Variants in PPP4R2 observed in about 807,000 individuals in gnomAD.
PPP4R2 encodes protein phosphatase 4 regulatory subunit 2.
A neutral mutation model predicts 47.2 loss-of-function variants in PPP4R2; 13 were observed. That is an observed-to-expected ratio of 0.28 (90% CI 0.18 to 0.44). The LOEUF (loss-of-function observed/expected upper bound fraction) is 0.44. Ranked by LOEUF, PPP4R2 falls within the 20% of genes least tolerant of loss-of-function variation. The probability of loss-of-function intolerance (pLI) is 1.00; values close to 1 mark genes in which losing one functional copy is unlikely to be tolerated. For synonymous variants in PPP4R2, 151 were observed against 163.3 expected (o/e 0.92, Z 0.57); for missense variants, 421 against 491.2 (o/e 0.86, Z 1.35).
intron 2 of PPP4R2, among the ~76,000 whole-genome samples, chr3:73,009,030 AGTG>A (rs1701670675): frequency 6.6e-6 from 1 of 152,120 alleles, no homozygotes; most frequent in Non-Finnish European, 1.5e-5. Context: ...ACAGGCAGAT[AGTG>A]AGTGTCCTGT....
In PPP4R2 at chr3:73,064,909, T is replaced by C. The variant is rs113160746; in HGVS notation, c.696T>C (p.His232=). The part of the protein sequence containing the change: ...VSSVSPLKNK[H]PDEDAVEAEG... ...CAGTGAGCCCTTTGAAAAATAAACA[T>C]CCAGATGAAGATGCTGTGGAAGCTG... The change falls in exon 8 of 9, where the codon CAT becomes CAC. Residue 232 remains histidine, a synonymous_variant. Coordinates refer to ENST00000356692, the MANE Select transcript of PPP4R2 (RefSeq NM_174907.4). The C allele has an allele frequency of 1.0e-4, 161 of 1,613,544 alleles. No homozygotes were observed. The African/African-American group carries it at 1.8e-3, about 18-fold the overall frequency.
intron 3 of PPP4R2, among the ~76,000 whole-genome samples, chr3:73,051,561 T>C (rs1184556345): frequency 1.3e-5 from 2 of 152,208 alleles, no homozygotes; most frequent in African/African-American, 4.8e-5. Context: ...CTTCCTAGTA[T>C]TTTGCCGTAA....
intron 5 of PPP4R2, chr3:73,061,398 T>G (rs1342443331): frequency 6.1e-6 from 1 of 162,884 alleles, no homozygotes; most frequent in Non-Finnish European, 1.3e-5. Flanking sequence ...ATGTTTGGAA[T>G]AACTACTTGA....
intron 2 of PPP4R2, among the ~76,000 whole-genome samples, chr3:73,027,419 C>A (rs1702088382): frequency 6.6e-6 from 1 of 152,182 alleles, no homozygotes; most frequent in South Asian, 2.1e-4. Flanking sequence ...AGCCCCGCTC[C>A]CAGCTATTCC....
chr3:73,059,922 G>A (rs983643084), intron 4 of PPP4R2, among the ~76,000 whole-genome samples: 1 of 142,202 alleles, frequency 7.0e-6, no homozygotes, highest in African/African-American at 2.7e-5. Context: ...GCAACAAAGT[G>A]AGACTCTGTC....
At chr3:73,014,461 T>A (rs1701783883) in intron 2 of PPP4R2, among the ~76,000 whole-genome samples, 1 of 152,050 alleles carries the variant, frequency 6.6e-6, no homozygotes, top group South Asian at 2.1e-4. Flanking sequence ...AATTTATTAA[T>A]TTTTTTGTAG....
At chr3:73,063,636 AT>A (rs1553652083) in intron 5 of PPP4R2, 36 bp from the exon 6 acceptor site, 1 of 1,305,302 alleles carries the variant, frequency 7.7e-7, no homozygotes, top group African/African-American at 1.5e-5. Flanking sequence ...CTAAAAAAAA[AT>A]TAAGTCATCC....
intron 2 of PPP4R2, among the ~76,000 whole-genome samples, chr3:73,034,963 A>G (rs1019338514): frequency 1.3e-5 from 2 of 152,204 alleles, no homozygotes; most frequent in African/African-American, 4.8e-5. Context: ...ATCAAGCTAA[A>G]AAGCTTCCGC....
At chr3:73,016,435 A>G (rs916207555) in intron 2 of PPP4R2, among the ~76,000 whole-genome samples, 5 of 152,306 alleles carry the variant, frequency 3.3e-5, no homozygotes, top group South Asian at 4.1e-4. Context: ...CTCCCCAGCA[A>G]TGAAGAATTG....
Position 73,066,872 on chromosome 3 carries a change from G to A in PPP4R2, c.*1150G>A, listed in dbSNP as rs1703006848. On this transcript the variant is annotated 3_prime_UTR_variant, in exon 9 of 9. Transcript: ENST00000356692. ...TAAATATTTTTGAACATGCTTCTTC[G>A]ACAGCCAGTGTTATATTTTTCAGAT... The A allele has an allele frequency of 6.6e-6, 1 of 151,882 alleles. No homozygotes were observed. The allele number at this position is 151,882 out of a possible 1,614,324, so 9.4% of individuals were successfully genotyped here.
At chr3:73,015,157 C>T (rs960231908) in intron 2 of PPP4R2, among the ~76,000 whole-genome samples, 1 of 152,220 alleles carries the variant, frequency 6.6e-6, no homozygotes, top group Non-Finnish European at 1.5e-5. Context: ...AATGAAAACA[C>T]TACCCACAAG....
rs551023213 is a variant in PPP4R2, at chr3:72,998,205, A to G, written c.116+47A>G. ...GTCGTTATAGACCAGTGCATTATTA[A>G]GAATTGCTCAGGAAAGGGAAAAAAG... On this transcript the variant is annotated intron_variant, in intron 2 of 8. Transcript: ENST00000356692. The G allele has an allele frequency of 6.4e-5, 77 of 1,207,752 alleles. No individual in the cohort carries two copies. In the South Asian group the frequency reaches 1.1e-3, roughly 17 times the overall value. The allele number at this position is 1,207,752 out of a possible 1,614,324, so 74.8% of individuals were successfully genotyped here.
intron 2 of PPP4R2, among the ~76,000 whole-genome samples, chr3:73,011,560 A>G (rs1189975029): frequency 2.0e-5 from 3 of 152,116 alleles, no homozygotes; most frequent in African/African-American, 4.8e-5. Flanking sequence ...AGATTTTTCA[A>G]GTGGCTTACC....
chr3:73,003,623 G>C (rs1022317355), intron 2 of PPP4R2, among the ~76,000 whole-genome samples: 3 of 152,104 alleles, frequency 2.0e-5, no homozygotes, highest in Non-Finnish European at 2.9e-5. Context: ...TCGTCAGTTT[G>C]GTTGTCTGAA....
intron 2 of PPP4R2, among the ~76,000 whole-genome samples, chr3:73,042,101 T>G (rs1023202496): frequency 1.3e-5 from 2 of 152,148 alleles, no homozygotes; most frequent in African/African-American, 4.8e-5. Context: ...TTGAGTTAAT[T>G]TCAGTAAAGT....
intron 3 of PPP4R2, among the ~76,000 whole-genome samples, chr3:73,050,044 T>C (rs1702578367): frequency 6.6e-6 from 1 of 152,106 alleles, no homozygotes. Context: ...AAGTTCAAGC[T>C]ATTCTCCAGC....
At chr3:73,062,104 A>G in intron 5 of PPP4R2, 1 of 1,543,636 alleles carries the variant, frequency 6.5e-7, no homozygotes, top group Non-Finnish European at 8.7e-7. Context: ...CTTAAATTGT[A>G]TGCTTATGTT....
intron 2 of PPP4R2, among the ~76,000 whole-genome samples, chr3:72,999,085 T>G (rs556038446): frequency 1.3e-5 from 2 of 152,338 alleles, no homozygotes; most frequent in East Asian, 3.9e-4. Context: ...AGCCTAATTT[T>G]AGAAAGAAAA....
At chr3:73,049,764 TATA>T (rs1466188211) in intron 3 of PPP4R2, among the ~76,000 whole-genome samples, 20 of 149,868 alleles carry the variant, frequency 1.3e-4, no homozygotes, top group East Asian at 3.9e-4. Context: ...TATATATAAA[TATA>T]ATAAAATTAA....
Sources: allele counts gnomAD v4.1 joint callset (sites outside exome capture counted in the v4.1 genomes callset), GRCh38; gene constraint gnomAD v4.1.1; transcripts MANE v1.5; gene names NCBI Gene and HGNC (gene_info 2026-07-23, HGNC 2026-07-21).